Variants in ASH1L observed in about 807,000 individuals in gnomAD.
ASH1L encodes the protein ASH1 like histone lysine methyltransferase.
ASH1L carries 23 observed loss-of-function variants against 269.0 expected under a neutral mutation model. The ratio of observed to expected loss-of-function variants is 0.09; its 90% CI spans 0.06 to 0.12. ASH1L has a LOEUF of 0.12. Among genes scored for constraint, ASH1L ranks in the 10% least tolerant of loss-of-function variants. The probability of loss-of-function intolerance (pLI) is 1.00; values close to 1 mark genes in which losing one functional copy is unlikely to be tolerated. For missense variants in ASH1L, 2,912 were observed against 3,567.8 expected (o/e 0.82, Z 4.68); for synonymous variants, 1,187 against 1,253.5 (o/e 0.95, Z 1.12).
chr1:155,467,603 T>C (rs1664786133), intron 3 of ASH1L, among the ~76,000 whole-genome samples: 1 of 152,186 alleles, frequency 6.6e-6, no homozygotes, highest in Non-Finnish European at 1.5e-5. Context: ...TGATTCCCCA[T>C]TTTTGAAACA....
chr1:155,369,769 GTAT>G (rs753506622), intron 12 of ASH1L, among the ~76,000 whole-genome samples: 2 of 151,950 alleles, frequency 1.3e-5, no homozygotes, highest in African/African-American at 2.4e-5. Flanking sequence ...TAAATATTAG[GTAT>G]TATTATTATT....
chr1:155,463,587 G>A (rs558749814), intron 3 of ASH1L, among the ~76,000 whole-genome samples: 27 of 152,076 alleles, frequency 1.8e-4, no homozygotes, highest in South Asian at 4.1e-4. Flanking sequence ...GAGTTCAGGC[G>A]TTCAAGACTA....
At chr1:155,534,115 T>C (rs1669883013) in intron 1 of ASH1L, among the ~76,000 whole-genome samples, 2 of 150,050 alleles carry the variant, frequency 1.3e-5, no homozygotes, top group Admixed American at 6.7e-5. Flanking sequence ...GTCAAGGCTA[T>C]AGTGAGCCAT....
chr1:155,439,299 G>C (rs1233356610), intron 4 of ASH1L, among the ~76,000 whole-genome samples: 1 of 152,062 alleles, frequency 6.6e-6, no homozygotes, highest in African/African-American at 2.4e-5. Context: ...CTCTCACTTT[G>C]AGGTAAGGAT....
intron 25 of ASH1L, among the ~76,000 whole-genome samples, chr1:155,339,860 T>C (rs570295550): frequency 2.6e-5 from 4 of 152,208 alleles, no homozygotes; most frequent in Admixed American, 2.0e-4. Flanking sequence ...TATCTAAACA[T>C]AGAAAAGGTA....
intron 3 of ASH1L, among the ~76,000 whole-genome samples, chr1:155,467,769 T>C (rs889277433): frequency 6.6e-6 from 1 of 152,120 alleles, no homozygotes; most frequent in Non-Finnish European, 1.5e-5. Flanking sequence ...TCAATACAAA[T>C]AGTAAATAAC....
chr1:155,349,708 T>TA, intron 17 of ASH1L, 112 bp from the exon 18 acceptor site: 12 of 526,774 alleles, frequency 2.3e-5, no homozygotes, highest in Non-Finnish European at 3.5e-5. Flanking sequence ...AAAATCCAAG[T>TA]CTTTTTTTTT....
At chr1:155,492,219 T>C (rs1666856037) in intron 2 of ASH1L, among the ~76,000 whole-genome samples, 1 of 151,872 alleles carries the variant, frequency 6.6e-6, no homozygotes, top group African/African-American at 2.4e-5. Context: ...TGGCTAATTC[T>C]GTATTTTTGG....
intron 1 of ASH1L, among the ~76,000 whole-genome samples, chr1:155,546,158 C>CA (rs57715557): frequency 0.86 from 95,503 of 110,710 alleles, 41,453 homozygotes; most frequent in East Asian, 0.96. Context: ...ATTCCATCAC[C>CA]AAAAAAAAAA....
At chr1:155,487,820 C>G (rs1010901222) in intron 2 of ASH1L, among the ~76,000 whole-genome samples, 4 of 151,350 alleles carry the variant, frequency 2.6e-5, no homozygotes, top group Non-Finnish European at 4.4e-5. Context: ...TAAATTCTGT[C>G]TAAAAGTAAA....
At chr1:155,458,207 C>A (rs1190531170) in intron 4 of ASH1L, among the ~76,000 whole-genome samples, 1 of 152,196 alleles carries the variant, frequency 6.6e-6, no homozygotes, top group East Asian at 1.9e-4. Context: ...GCCAAGCAGA[C>A]AACTGGACTA....
intron 3 of ASH1L, among the ~76,000 whole-genome samples, chr1:155,470,090 T>G (rs1664984737): frequency 6.6e-6 from 1 of 152,090 alleles, no homozygotes. Context: ...CAAAACTCCC[T>G]CCTCCTTCCC....
chr1:155,350,833 G>A (rs1387144706), intron 17 of ASH1L, among the ~76,000 whole-genome samples: 1 of 150,194 alleles, frequency 6.7e-6, no homozygotes, highest in East Asian at 2.0e-4. Flanking sequence ...AGGCAGGAGA[G>A]TTGCTTGAAG....
At chr1:155,359,910 G>A (rs998492762) in intron 13 of ASH1L, among the ~76,000 whole-genome samples, 3 of 149,988 alleles carry the variant, frequency 2.0e-5, no homozygotes, top group Non-Finnish European at 4.4e-5. Context: ...TTGAGACAGA[G>A]TCAGTCTTGC....
At chr1:155,360,450 T>A (rs752868011) in intron 12 of ASH1L, 41 bp from the exon 13 acceptor site, 2 of 1,394,406 alleles carry the variant, frequency 1.4e-6, no homozygotes, top group Admixed American at 3.7e-5. Context: ...CTGGAAATTT[T>A]TTTTTTTTTT....
In ASH1L at chr1:155,518,897, T is replaced by G. The variant is rs547809638; in HGVS notation, c.420+2203A>C. 5.3e-5 allele frequency among the ~76,000 whole-genome samples: 8 copies of G among 151,728 alleles called. No individual in the cohort carries two copies. The East Asian group carries it at 1.2e-3, about 22-fold the overall frequency. ...AAAACCTCATGAAGACTCAGAGAAA[T>G]CAAAAACTCATGCATTGCTGATGGG... On this transcript the variant is annotated intron_variant, in intron 2 of 27. Transcript: ENST00000392403.
At chr1:155,556,932 T>C (rs954658736) in intron 1 of ASH1L, among the ~76,000 whole-genome samples, 2 of 152,072 alleles carry the variant, frequency 1.3e-5, no homozygotes, top group Non-Finnish European at 2.9e-5. Flanking sequence ...TCCCAGTTAC[T>C]TGGGACAATG....
chr1:155,398,098 CTG>C (rs2148491109), intron 6 of ASH1L, among the ~76,000 whole-genome samples: 1 of 152,260 alleles, frequency 6.6e-6, no homozygotes, highest in African/African-American at 2.4e-5. Context: ...TTTATAAAGA[CTG>C]TTATGATCTG....
chr1:155,488,495 A>G (rs1468351901), intron 2 of ASH1L, among the ~76,000 whole-genome samples: 1 of 143,038 alleles, frequency 7.0e-6, no homozygotes, highest in Non-Finnish European at 1.5e-5. Flanking sequence ...CGCCTATACT[A>G]AAAATACAAA....
Sources: gnomAD v4.1 joint callset for allele counts (sites outside exome capture counted in the v4.1 genomes callset) on GRCh38, gnomAD v4.1.1 for gene constraint, MANE v1.5 for transcripts, NCBI Gene and HGNC (gene_info 2026-07-23, HGNC 2026-07-21) for gene names.